Variants in AFG2A observed in about 807,000 individuals in gnomAD.
The protein encoded by AFG2A is ATPase family gene 2 protein homolog A.
chr4:123,254,030 A>G, the AFG2A span, among the ~76,000 whole-genome samples: 1 of 152,154 alleles, frequency 6.6e-6, no homozygotes, highest in African/African-American at 2.4e-5. Flanking sequence ...AGTATGTTCA[A>G]ATTTTTAGTC....
chr4:123,201,628 TGAA>T, the AFG2A span, among the ~76,000 whole-genome samples: 1 of 152,018 alleles, frequency 6.6e-6, no homozygotes, highest in East Asian at 1.9e-4. Flanking sequence ...CTTAAAAAAA[TGAA>T]GAAGAGGCCA....
chr4:123,288,386 G>A, the AFG2A span, among the ~76,000 whole-genome samples: 1 of 152,058 alleles, frequency 6.6e-6, no homozygotes, highest in African/African-American at 2.4e-5. Flanking sequence ...ATAAATAGAA[G>A]GATTGATCTT....
the AFG2A span, among the ~76,000 whole-genome samples, chr4:123,295,955 C>T: frequency 6.6e-6 from 1 of 152,152 alleles, no homozygotes; most frequent in Non-Finnish European, 1.5e-5. Context: ...GAATACTATG[C>T]TAACATTTTT....
the AFG2A span, among the ~76,000 whole-genome samples, chr4:123,210,692 T>C: frequency 6.6e-6 from 1 of 152,170 alleles, no homozygotes; most frequent in Non-Finnish European, 1.5e-5. Flanking sequence ...TTCTTTTCTT[T>C]TAGATATATA....
the AFG2A span, among the ~76,000 whole-genome samples, chr4:123,229,002 C>T: frequency 6.6e-6 from 1 of 151,708 alleles, no homozygotes; most frequent in African/African-American, 2.4e-5. Context: ...CCTTATGGAG[C>T]TTATAAATGT....
At chr4:123,168,592 A>G in the AFG2A span, among the ~76,000 whole-genome samples, 1 of 152,192 alleles carries the variant, frequency 6.6e-6, no homozygotes, top group African/African-American at 2.4e-5. Context: ...TGATGATAAA[A>G]AATTGTTAAT....
chr4:123,066,710 C>A, the AFG2A span, among the ~76,000 whole-genome samples: 2 of 152,092 alleles, frequency 1.3e-5, no homozygotes, highest in Non-Finnish European at 2.9e-5. Context: ...TTGAAAGTTA[C>A]TAAAATCAAT....
At chr4:123,155,515 G>T in the AFG2A span, among the ~76,000 whole-genome samples, 1 of 151,814 alleles carries the variant, frequency 6.6e-6, no homozygotes, top group Non-Finnish European at 1.5e-5. Flanking sequence ...TTGGCCTTGT[G>T]TATCTTTTGC....
At chr4:123,176,923 G>C in the AFG2A span, among the ~76,000 whole-genome samples, 4 of 152,132 alleles carry the variant, frequency 2.6e-5, no homozygotes, top group Admixed American at 2.0e-4. Context: ...AAAGGAATGA[G>C]CTGTTGTAAT....
At chr4:123,248,116 A>C in the AFG2A span, among the ~76,000 whole-genome samples, 1 of 152,138 alleles carries the variant, frequency 6.6e-6, no homozygotes. Context: ...GTTACTTTTA[A>C]AGTATCTTGT....
At chr4:123,106,508 TAA>T in the AFG2A span, among the ~76,000 whole-genome samples, 3 of 151,940 alleles carry the variant, frequency 2.0e-5, no homozygotes, top group Non-Finnish European at 2.9e-5. Flanking sequence ...CAAACCACCC[TAA>T]AAAAAATTGT....
chr4:123,143,510 A>G, the AFG2A span, among the ~76,000 whole-genome samples: 2 of 151,982 alleles, frequency 1.3e-5, no homozygotes, highest in Non-Finnish European at 2.9e-5. Flanking sequence ...ATCCATTGTC[A>G]GTAACCCACC....
At chr4:122,987,953 T>G in the AFG2A span, among the ~76,000 whole-genome samples, 3 of 152,200 alleles carry the variant, frequency 2.0e-5, no homozygotes, top group Non-Finnish European at 4.4e-5. Context: ...CATTTTAACT[T>G]GATGAACTGG....
chr4:123,038,927 C>T, the AFG2A span, among the ~76,000 whole-genome samples: 1 of 151,942 alleles, frequency 6.6e-6, no homozygotes, highest in Non-Finnish European at 1.5e-5. Flanking sequence ...AGGCTTTATA[C>T]TATATTTTCA....
At chr4:123,313,946 A>T in the AFG2A span, 2 of 1,613,022 alleles carry the variant, frequency 1.2e-6, no homozygotes, top group South Asian at 2.2e-5. Flanking sequence ...ATTCAAGCCA[A>T]TCTCATCATG....
the AFG2A span, among the ~76,000 whole-genome samples, chr4:123,217,239 G>T: frequency 6.6e-6 from 1 of 152,058 alleles, no homozygotes; most frequent in African/African-American, 2.4e-5. Flanking sequence ...ATTAACAGCT[G>T]GAGTAAATGC....
chr4:123,269,208 G>A, the AFG2A span, among the ~76,000 whole-genome samples: 8 of 152,118 alleles, frequency 5.3e-5, no homozygotes, highest in South Asian at 2.1e-4. Context: ...AAATAAAGCC[G>A]TATGTGGGAA....
At chr4:122,997,103 A>G in the AFG2A span, among the ~76,000 whole-genome samples, 44 of 152,192 alleles carry the variant, frequency 2.9e-4, no homozygotes, top group Non-Finnish European at 1.2e-4. Context: ...TATTCAGTCA[A>G]GTTGACACCT....
chr4:123,149,681 A>G, the AFG2A span, among the ~76,000 whole-genome samples: 7 of 152,070 alleles, frequency 4.6e-5, no homozygotes, highest in African/African-American at 1.7e-4. Context: ...ACCACTGGAT[A>G]TTTAGATGGA....
Sources: allele counts gnomAD v4.1 joint callset (sites outside exome capture counted in the v4.1 genomes callset), GRCh38; gene constraint gnomAD v4.1.1; transcripts MANE v1.5; gene names NCBI Gene and HGNC (gene_info 2026-07-23, HGNC 2026-07-21).